Variants in POU3F3 observed in about 807,000 individuals in gnomAD.
POU3F3 encodes POU class 3 homeobox 3, also known as POU domain, class 3, transcription factor 3.
A neutral mutation model predicts 8.6 loss-of-function variants in POU3F3; 1 was observed. The ratio of observed to expected loss-of-function variants is 0.12; its 90% CI spans 0.04 to 0.55. POU3F3 has a LOEUF of 0.55. POU3F3 is among the 20% of genes least tolerant of loss of function. The probability of loss-of-function intolerance (pLI) is 0.91; values close to 1 mark genes in which losing one functional copy is unlikely to be tolerated. For synonymous variants in POU3F3, 418 were observed against 327.4 expected (o/e 1.28, Z -2.99); for missense variants, 577 against 690.7 (o/e 0.84, Z 1.84).
the POU3F3 span, among the ~76,000 whole-genome samples, chr2:104,917,424 A>G: frequency 6.6e-6 from 1 of 152,324 alleles, no homozygotes; most frequent in African/African-American, 2.4e-5. Flanking sequence ...TTGACTTAGA[A>G]TTGATTGATA....
chr2:104,894,407 T>G, the POU3F3 span, among the ~76,000 whole-genome samples: 3 of 152,158 alleles, frequency 2.0e-5, no homozygotes, highest in African/African-American at 7.2e-5. Flanking sequence ...GAACTTCCAT[T>G]TATAGGTGAA....
the POU3F3 span, among the ~76,000 whole-genome samples, chr2:104,920,865 G>T: frequency 6.6e-6 from 1 of 152,116 alleles, no homozygotes; most frequent in South Asian, 2.1e-4. Context: ...TAAGTCATTT[G>T]CAGTTGTGTT....
chr2:104,894,907 G>T, the POU3F3 span, among the ~76,000 whole-genome samples: 1 of 152,104 alleles, frequency 6.6e-6, no homozygotes, highest in Non-Finnish European at 1.5e-5. Context: ...CTATTTCTGG[G>T]CCTGGTGTTC....
the POU3F3 span, among the ~76,000 whole-genome samples, chr2:104,878,857 ACACAG>A: frequency 3.8e-3 from 579 of 152,274 alleles, 26 homozygotes; most frequent in East Asian, 0.1. Flanking sequence ...TTCACACAAT[ACACAG>A]CACAGCACAC....
At chr2:104,922,559 A>G in the POU3F3 span, among the ~76,000 whole-genome samples, 1 of 152,186 alleles carries the variant, frequency 6.6e-6, no homozygotes, top group African/African-American at 2.4e-5. Flanking sequence ...AGATTTGAGC[A>G]GGCGGAAGAA....
the POU3F3 span, among the ~76,000 whole-genome samples, chr2:104,906,998 A>G: frequency 1.2e-4 from 18 of 152,102 alleles, no homozygotes; most frequent in Non-Finnish European, 2.2e-4. Context: ...TCAGCAGTCC[A>G]CAAAATCATA....
the POU3F3 span, among the ~76,000 whole-genome samples, chr2:104,882,243 A>AT: frequency 0.039 from 4,359 of 111,292 alleles, 125 homozygotes; most frequent in African/African-American, 0.07. Context: ...GAAAACCTGA[A>AT]TTTTTTTTTT....
At chr2:104,877,372 A>C in the POU3F3 span, among the ~76,000 whole-genome samples, 2 of 152,182 alleles carry the variant, frequency 1.3e-5, no homozygotes, top group East Asian at 1.9e-4. Context: ...TCCTTAACAC[A>C]CAGCTACCCT....
rs1000158095 is a variant in POU3F3, at chr2:104,854,577, G to T, written c.-934G>T. ...ATTTCTGCCCAAAAGGAAAGATGTC[G>T]CATCAGACTGTGACTGTTGCGAGGA... is the stretch of plus-strand genomic sequence containing the variant. On this transcript the variant is annotated 5_prime_UTR_variant, in exon 1 of 1. Coordinates refer to ENST00000361360, the MANE Select transcript of POU3F3 (RefSeq NM_006236.3). The surrounding 1 kb of genome is among the most constrained non-coding windows in gnomAD (Gnocchi z 4.5). Among the ~76,000 whole-genome samples, 1 of 152,096 alleles carries T rather than the reference G, an allele frequency of 6.6e-6. No homozygotes were observed. Among genetic ancestry groups the T allele is most frequent in the Non-Finnish European group, 1.5e-5 (1 of 68,024 alleles).
At chr2:104,876,302 T>C in the POU3F3 span, among the ~76,000 whole-genome samples, 2 of 152,228 alleles carry the variant, frequency 1.3e-5, no homozygotes, top group East Asian at 3.8e-4. Context: ...AAAGAAATAC[T>C]AGTGCCTTAG....
the POU3F3 span, among the ~76,000 whole-genome samples, chr2:104,909,036 A>C: frequency 1.3e-5 from 2 of 152,168 alleles, no homozygotes; most frequent in Non-Finnish European, 2.9e-5. Context: ...ACCAGGTTTC[A>C]CACGTGATAG....
the POU3F3 span, among the ~76,000 whole-genome samples, chr2:104,913,734 C>T: frequency 4.6e-5 from 7 of 152,206 alleles, no homozygotes; most frequent in South Asian, 4.1e-4. Flanking sequence ...ATACAGAAAA[C>T]GTACCTGTAC....
the POU3F3 span, among the ~76,000 whole-genome samples, chr2:104,886,411 T>C: frequency 6.6e-6 from 1 of 152,180 alleles, no homozygotes; most frequent in Admixed American, 6.5e-5. Flanking sequence ...CTAGGAGCAA[T>C]AGGCCATTCC....
rs964306469 is a variant in POU3F3 at position 104,855,887 on chromosome 2, C to G, written c.377C>G (p.Ala126Gly). The change falls in exon 1 of 1, where the codon GCC becomes GGC. Residue 126 changes from alanine (A) to glycine (G), a missense_variant. Transcript: ENST00000361360. Reference protein sequence around the residue: ...VEASSPWSGSAVGMAGSPQQP... With the variant: ...VEASSPWSGSGVGMAGSPQQP... ...GCGAGCTCGCCGTGGTCGGGCAGCG[C>G]CGTGGGCATGGCTGGCAGCCCCCAG... is the stretch of plus-strand genomic sequence containing the variant. 2 of 1,060,892 alleles carry G rather than the reference C, an allele frequency of 1.9e-6. No homozygotes were observed. Among genetic ancestry groups the G allele is most frequent in the Non-Finnish European group, 1.1e-6 (1 of 884,386 alleles). 65.7% of individuals were successfully genotyped at this position (1,060,892 alleles called of 1,614,324 possible).
chr2:104,855,806 C>T lies in POU3F3; in HGVS notation c.296C>T (p.Thr99Ile). Residue 99 changes from threonine (T) to isoleucine (I), a missense_variant, in exon 1 of 1, where the codon ACA becomes ATA. This residue lies in a region of POU3F3 where 484 missense variants were observed against 422.6 expected (regional missense o/e 1.15). Transcript: ENST00000361360. ...HMLSHAHQWV[T>I]ALPHAAAAAA... is the part of the protein sequence containing the mutation. ...CTGAGCCACGCGCACCAGTGGGTCA[C>T]AGCCCTGCCCCACGCCGCCGCCGCC... The T allele has an allele frequency of 8.2e-7, 1 of 1,215,558 alleles. No individual in the cohort carries two copies. Among genetic ancestry groups the T allele is most frequent in the South Asian group, 2.0e-5 (1 of 50,948 alleles). 75.3% of individuals were successfully genotyped at this position (1,215,558 alleles called of 1,614,324 possible). A position where few individuals can be genotyped will look rare whatever the true frequency, so the allele number is the denominator to read the frequency against.
the POU3F3 span, among the ~76,000 whole-genome samples, chr2:104,886,872 C>G: frequency 6.6e-6 from 1 of 151,878 alleles, no homozygotes; most frequent in African/African-American, 2.4e-5. Flanking sequence ...CACGCTATTG[C>G]ACTCCAGACT....
chr2:104,916,824 T>C, the POU3F3 span, among the ~76,000 whole-genome samples: 9 of 152,070 alleles, frequency 5.9e-5, no homozygotes, highest in Non-Finnish European at 1.3e-4. Context: ...ATCTTATGGA[T>C]CAACTTGACT....
At chr2:104,900,749 C>G in the POU3F3 span, among the ~76,000 whole-genome samples, 1 of 152,166 alleles carries the variant, frequency 6.6e-6, no homozygotes, top group South Asian at 2.1e-4. Flanking sequence ...CCTTGACTCA[C>G]CAGGCAATAT....
the POU3F3 span, among the ~76,000 whole-genome samples, chr2:104,883,171 T>A: frequency 3.9e-4 from 60 of 152,318 alleles, no homozygotes; most frequent in African/African-American, 1.4e-3. Context: ...GAGCCTGCAT[T>A]TCTGATCTGT....
Sources: allele counts gnomAD v4.1 joint callset (sites outside exome capture counted in the v4.1 genomes callset), GRCh38; gene constraint gnomAD v4.1.1; regional missense constraint gnomAD v4.1.1; non-coding constraint Gnocchi (gnomAD v3.1); transcripts MANE v1.5; gene names NCBI Gene and HGNC (gene_info 2026-07-23, HGNC 2026-07-21).